Variants in EIF4G3 observed in about 807,000 individuals in gnomAD.
The protein encoded by EIF4G3 is eIF-4-gamma 3.
A neutral mutation model predicts 186.4 loss-of-function variants in EIF4G3; 34 were observed. That is an observed-to-expected ratio of 0.18 (90% CI 0.14 to 0.24). The LOEUF is 0.24. Among genes scored for constraint, EIF4G3 ranks in the 10% least tolerant of loss-of-function variants. EIF4G3 has a pLI of 1.00. For synonymous variants in EIF4G3, 673 were observed against 679.5 expected, an observed-to-expected ratio of 0.99 and a Z score of 0.15; for missense variants, 1,536 against 1,948.5, an observed-to-expected ratio of 0.79 and a Z score of 3.99.
intron 2 of EIF4G3, 71 bp downstream of exon 2, chr1:21,176,104 C>T: frequency 3.4e-6 from 1 of 291,536 alleles, no homozygotes; most frequent in African/African-American, 2.2e-5. Context: ...AGGAGGGTCC[C>T]CTGGGCTGCG....
chr1:20,865,079 A>G (rs1571884100), intron 21 of EIF4G3, 37 bp downstream of exon 21: 1 of 1,611,292 alleles, frequency 6.2e-7, no homozygotes, highest in Non-Finnish European at 8.5e-7. Flanking sequence ...ACAGTGCTCA[A>G]AGTGTACAAG....
At chr1:21,081,298 T>C (rs887680203) in intron 3 of EIF4G3, among the ~76,000 whole-genome samples, 14 of 152,236 alleles carry the variant, frequency 9.2e-5, no homozygotes, top group Non-Finnish European at 2.1e-4. Flanking sequence ...TGGGCATGGA[T>C]GGTGCACACC....
At chr1:21,170,320 T>C (rs575072251) in intron 2 of EIF4G3, among the ~76,000 whole-genome samples, 20 of 152,282 alleles carry the variant, frequency 1.3e-4, no homozygotes, top group Middle Eastern at 3.4e-3. Flanking sequence ...GGAGTTTACA[T>C]TCTATTAACA....
chr1:21,164,552 C>T (rs2097823598), intron 2 of EIF4G3, among the ~76,000 whole-genome samples: 1 of 151,972 alleles, frequency 6.6e-6, no homozygotes, highest in South Asian at 2.1e-4. Context: ...CACAGTGAGA[C>T]TCTGTCTCTA....
intron 33 of EIF4G3, among the ~76,000 whole-genome samples, chr1:20,819,051 A>C (rs981464584): frequency 2.0e-5 from 3 of 152,154 alleles, no homozygotes; most frequent in Non-Finnish European, 4.4e-5. Flanking sequence ...TACAGTGTGC[A>C]CCACTGCACC....
intron 12 of EIF4G3, among the ~76,000 whole-genome samples, chr1:20,954,290 C>T (rs2096326210): frequency 6.6e-6 from 1 of 152,076 alleles, no homozygotes. Context: ...CTAATCCCAG[C>T]ACTTTGGGAG....
At chr1:20,980,289 T>A in intron 10 of EIF4G3, 45 bp downstream of exon 10, 1 of 1,400,258 alleles carries the variant, frequency 7.1e-7, no homozygotes, top group Non-Finnish European at 9.6e-7. Context: ...CAAAATTAAA[T>A]AAACACAAAA....
intron 4 of EIF4G3, among the ~76,000 whole-genome samples, chr1:21,023,246 CCCTCCCCCCCT>C (rs1468301588): frequency 4.4e-5 from 4 of 91,772 alleles, no homozygotes; most frequent in Non-Finnish European, 6.7e-5. Context: ...CCTCCCCTCC[CCCTCCCCCCCT>C]CCCCCTCCCT....
chr1:20,918,454 C>T (rs563250878), intron 14 of EIF4G3, among the ~76,000 whole-genome samples: 6 of 151,994 alleles, frequency 3.9e-5, no homozygotes, highest in African/African-American at 1.2e-4. Context: ...GCAATCCTTC[C>T]GTCATAGCCT....
chr1:20,971,111 T>A (rs1417576668), intron 11 of EIF4G3, among the ~76,000 whole-genome samples: 4 of 152,174 alleles, frequency 2.6e-5, no homozygotes. Flanking sequence ...AAGATGTCAG[T>A]GGAGTTGGTG....
chr1:20,990,316 C>A (rs2080794388), intron 7 of EIF4G3, among the ~76,000 whole-genome samples: 1 of 152,244 alleles, frequency 6.6e-6, no homozygotes, highest in African/African-American at 2.4e-5. Context: ...GAAGACACTT[C>A]ACCAGCAAAA....
chr1:21,108,104 C>G (rs967783420), intron 2 of EIF4G3, among the ~76,000 whole-genome samples: 1 of 152,308 alleles, frequency 6.6e-6, no homozygotes, highest in South Asian at 2.1e-4. Context: ...TGAGATCACA[C>G]CACTGCACTC....
At chr1:21,010,526 C>G (rs1168101200) in intron 4 of EIF4G3, among the ~76,000 whole-genome samples, 1 of 151,932 alleles carries the variant, frequency 6.6e-6, no homozygotes, top group African/African-American at 2.4e-5. Context: ...GTACTGTTAA[C>G]TATATGCACA....
At chr1:20,972,163 A>G (rs1266421350) in intron 11 of EIF4G3, among the ~76,000 whole-genome samples, 5 of 152,186 alleles carry the variant, frequency 3.3e-5, no homozygotes, top group Non-Finnish European at 7.3e-5. Flanking sequence ...AGACAAAGAC[A>G]AAACCCCTAT....
At chr1:21,094,313 G>A (rs946630101) in intron 2 of EIF4G3, among the ~76,000 whole-genome samples, 3 of 151,852 alleles carry the variant, frequency 2.0e-5, no homozygotes, top group African/African-American at 7.3e-5. Context: ...AAAGACACAT[G>A]CACACATACG....
chr1:21,073,527 A>G (rs2095501912), intron 3 of EIF4G3: 1 of 354,304 alleles, frequency 2.8e-6, no homozygotes, highest in African/African-American at 2.1e-5. Flanking sequence ...TCATCCATGA[A>G]CAGCTGAATA....
intron 12 of EIF4G3, among the ~76,000 whole-genome samples, chr1:20,961,803 T>C (rs1166287073): frequency 6.6e-6 from 1 of 152,148 alleles, no homozygotes; most frequent in Non-Finnish European, 1.5e-5. Context: ...AAAAGAACCA[T>C]TTAAGTCAAG....
At chr1:20,940,798 C>T (rs543193039) in intron 14 of EIF4G3, among the ~76,000 whole-genome samples, 1 of 152,278 alleles carries the variant, frequency 6.6e-6, no homozygotes, top group South Asian at 2.1e-4. Context: ...ATTAAACTTA[C>T]AATAACCCAA....
rs1311427884 is a variant in EIF4G3, at chr1:21,002,713, C to T, written c.30G>A (p.Pro10=). The part of the protein sequence containing the change: MNSQPQTRS[P]PSRTVPIHCT... ...TTGGTTCAAGCTTCTGCTTACTTAC[C>T]GGAGAACGGGTTTGAGGTTGTGAAT... Residue 10 remains proline (P), a splice_region_variant and synonymous_variant, in exon 5 of 37, where the codon CCG becomes CCA. Coordinates refer to ENST00000602326, the MANE Select transcript of EIF4G3 (RefSeq NM_001391906.1). 4 of 1,613,090 alleles carry T rather than the reference C, an allele frequency of 2.5e-6. No individual in the cohort carries two copies. The highest frequency in any genetic ancestry group is 2.2e-5 in the East Asian group (1 of 44,816).
Sources: gnomAD v4.1 joint callset for allele counts (sites outside exome capture counted in the v4.1 genomes callset) on GRCh38, gnomAD v4.1.1 for gene constraint, MANE v1.5 for transcripts, NCBI Gene and HGNC (gene_info 2026-07-23, HGNC 2026-07-21) for gene names.